The following DLG2 variants were observed in gnomAD, a reference collection of about 807,000 sequenced individuals.
The protein encoded by DLG2 is discs large MAGUK scaffold protein 2, also known as disks large homolog 2.
DLG2 carries 45 observed loss-of-function variants against 132.5 expected under a neutral mutation model. The ratio of observed to expected loss-of-function variants is 0.34; its 90% CI spans 0.27 to 0.44. The LOEUF (loss-of-function observed/expected upper bound fraction) is 0.44. DLG2 is among the 20% of genes least tolerant of loss of function. The probability of loss-of-function intolerance (pLI) is 1.00; values close to 1 mark genes in which losing one functional copy is unlikely to be tolerated. For missense variants in DLG2, 1,045 were observed against 1,196.9 expected, an observed-to-expected ratio of 0.87 and a Z score of 1.87; for synonymous variants, 424 against 419.6, an observed-to-expected ratio of 1.01 and a Z score of -0.13.
At chr11:85,356,141 G>T (rs1165520026) in intron 3 of DLG2, among the ~76,000 whole-genome samples, 1 of 152,188 alleles carries the variant, frequency 6.6e-6, no homozygotes, top group Non-Finnish European at 1.5e-5. Flanking sequence ...AGGCAGAAGA[G>T]CCACAGACTC....
At chr11:83,555,044 G>C (rs2096487315) in intron 19 of DLG2, among the ~76,000 whole-genome samples, 1 of 152,256 alleles carries the variant, frequency 6.6e-6, no homozygotes, top group African/African-American at 2.4e-5. Context: ...AGAGTATACA[G>C]TGGAGAGAAA....
Position 83,794,437 on chromosome 11 carries a change from GTTTT to G in DLG2, c.1723-7649_1723-7646del, listed in dbSNP as rs200672667. 1.6e-3 allele frequency among the ~76,000 whole-genome samples: 206 copies of G among 127,406 alleles called. 3 individuals carry two copies. The highest frequency in any genetic ancestry group is 2.4e-3 in the East Asian group (10 of 4,162). 83.6% of individuals were successfully genotyped at this position (127,406 alleles called of 152,430 possible). The stretch of plus-strand genomic sequence containing the variant: ...ACACAGCCTCATATATTTACTATTG[GTTTT>G]TTTTTTTTTTTTTTTTTTTTTTGCT... On this transcript the variant is annotated intron_variant, in intron 17 of 27. Coordinates refer to ENST00000376104, the MANE Select transcript of DLG2 (RefSeq NM_001142699.3).
chr11:84,403,744 C>T (rs963870026), intron 7 of DLG2, among the ~76,000 whole-genome samples: 1 of 152,194 alleles, frequency 6.6e-6, no homozygotes, highest in Non-Finnish European at 1.5e-5. Context: ...GGGTGTCTGT[C>T]CCATACTTTA....
intron 6 of DLG2, among the ~76,000 whole-genome samples, chr11:84,827,656 T>A (rs2153989182): frequency 1.0e-5 from 1 of 97,898 alleles, no homozygotes; most frequent in Middle Eastern, 0.01. Context: ...ATAATAAGGC[T>A]GGAACTGAGT....
chr11:83,850,204 A>T (rs1010368607), intron 16 of DLG2, among the ~76,000 whole-genome samples: 1 of 143,560 alleles, frequency 7.0e-6, no homozygotes, highest in African/African-American at 2.6e-5. Context: ...CCCAGGCTGG[A>T]GTGCAGTGGC....
intron 3 of DLG2, among the ~76,000 whole-genome samples, chr11:85,480,402 C>A (rs2093259241): frequency 6.6e-6 from 1 of 151,584 alleles, no homozygotes; most frequent in African/African-American, 2.4e-5. Context: ...AATGATATAC[C>A]ATGAAGCAAG....
At chr11:83,977,092 G>C (rs1453182726) in intron 12 of DLG2, among the ~76,000 whole-genome samples, 5 of 151,922 alleles carry the variant, frequency 3.3e-5, no homozygotes, top group African/African-American at 1.2e-4. Flanking sequence ...CGTTCACAAT[G>C]CTAGTATTAA....
chr11:83,964,725 C>T (rs893047389), intron 13 of DLG2, among the ~76,000 whole-genome samples: 1 of 151,968 alleles, frequency 6.6e-6, no homozygotes, highest in African/African-American at 2.4e-5. Flanking sequence ...TTGAGGACCC[C>T]AGCATAGTCT....
At chr11:84,487,544 C>T (rs953837716) in intron 7 of DLG2, among the ~76,000 whole-genome samples, 12 of 151,996 alleles carry the variant, frequency 7.9e-5, no homozygotes, top group Non-Finnish European at 1.0e-4. Flanking sequence ...GTCCTAATAA[C>T]TTAGGTATTT....
At chr11:84,527,594 C>T (rs993019544) in intron 7 of DLG2, among the ~76,000 whole-genome samples, 1 of 152,102 alleles carries the variant, frequency 6.6e-6, no homozygotes, top group African/African-American at 2.4e-5. Context: ...CGAAGACACA[C>T]AATAATATTT....
chr11:84,274,999 A>T (rs776662632), intron 7 of DLG2, among the ~76,000 whole-genome samples: 20 of 152,194 alleles, frequency 1.3e-4, no homozygotes, highest in Admixed American at 9.2e-4. Flanking sequence ...CTTCACTAGT[A>T]AATGTTCTGA....
intron 19 of DLG2, among the ~76,000 whole-genome samples, chr11:83,568,982 C>A (rs2096754069): frequency 6.6e-6 from 1 of 152,146 alleles, no homozygotes; most frequent in Non-Finnish European, 1.5e-5. Flanking sequence ...AATGAGAAAT[C>A]AAATCAGAAA....
chr11:85,561,465 G>A (rs534324208), intron 3 of DLG2, among the ~76,000 whole-genome samples: 1 of 147,524 alleles, frequency 6.8e-6, no homozygotes, highest in East Asian at 2.0e-4. Flanking sequence ...TTACAAAAGG[G>A]AAACTATATT....
At chr11:85,008,051 C>G (rs1482426889) in intron 6 of DLG2, among the ~76,000 whole-genome samples, 1 of 152,038 alleles carries the variant, frequency 6.6e-6, no homozygotes, top group Non-Finnish European at 1.5e-5. Flanking sequence ...GTATTTCTAC[C>G]ATAAAATATA....
intron 10 of DLG2, among the ~76,000 whole-genome samples, chr11:84,095,288 A>G (rs2097150447): frequency 2.0e-5 from 3 of 152,238 alleles, no homozygotes; most frequent in South Asian, 4.1e-4. Flanking sequence ...TGTGCCTGCC[A>G]TAGCTAAGGA....
intron 17 of DLG2, among the ~76,000 whole-genome samples, chr11:83,797,942 T>C (rs2043280240): frequency 6.6e-6 from 1 of 152,204 alleles, no homozygotes; most frequent in South Asian, 2.1e-4. Flanking sequence ...AGAAATATTA[T>C]TTTAACGTCA....
At chr11:83,596,148 A>G (rs1413125973) in intron 19 of DLG2, among the ~76,000 whole-genome samples, 7 of 152,212 alleles carry the variant, frequency 4.6e-5, no homozygotes, top group African/African-American at 1.7e-4. Flanking sequence ...TTAAGATTTA[A>G]CTATGACTAT....
chr11:83,630,192 C>G (rs1211789277), intron 19 of DLG2, among the ~76,000 whole-genome samples: 1 of 152,120 alleles, frequency 6.6e-6, no homozygotes, highest in Non-Finnish European at 1.5e-5. Flanking sequence ...CCACTCCCTT[C>G]AAAATTTCAG....
intron 17 of DLG2, among the ~76,000 whole-genome samples, chr11:83,800,731 T>C (rs561770891): frequency 1.3e-5 from 2 of 152,344 alleles, no homozygotes; most frequent in South Asian, 4.1e-4. Context: ...ATGATTATTT[T>C]GGAATCTTTA....
Sources: allele counts gnomAD v4.1 joint callset (sites outside exome capture counted in the v4.1 genomes callset), GRCh38; gene constraint gnomAD v4.1.1; transcripts MANE v1.5; gene names NCBI Gene and HGNC (gene_info 2026-07-23, HGNC 2026-07-21).